The following ARHGAP5 variants were observed in gnomAD, a reference collection of about 807,000 sequenced individuals.
ARHGAP5 encodes rho GTPase-activating protein 5.
Under a neutral mutation model 116.6 loss-of-function variants are expected in ARHGAP5, and 23 were observed. The observed-to-expected ratio is 0.20, with a 90% CI of 0.14 to 0.28. The LOEUF (loss-of-function observed/expected upper bound fraction) is 0.28. ARHGAP5 is among the 10% of genes least tolerant of loss of function. The pLI is 1.00. For synonymous variants in ARHGAP5, 574 were observed against 602.0 expected, an observed-to-expected ratio of 0.95 and a Z score of 0.68; for missense variants, 1,405 against 1,774.8, an observed-to-expected ratio of 0.79 and a Z score of 3.74.
At chr14:32,085,892 T>C (rs1422516159) in intron 1 of ARHGAP5, among the ~76,000 whole-genome samples, 1 of 152,224 alleles carries the variant, frequency 6.6e-6, no homozygotes, top group Non-Finnish European at 1.5e-5. Flanking sequence ...GCTGGCTAAG[T>C]ACATTATTAT....
intron 3 of ARHGAP5, among the ~76,000 whole-genome samples, chr14:32,119,024 A>G (rs1879746669): frequency 6.6e-6 from 1 of 152,162 alleles, no homozygotes; most frequent in South Asian, 2.1e-4. Context: ...CAGGCGATTT[A>G]TATATTTAAG....
chr14:32,149,101 C>T (rs987507047), intron 4 of ARHGAP5, among the ~76,000 whole-genome samples: 7 of 151,498 alleles, frequency 4.6e-5, no homozygotes, highest in Non-Finnish European at 7.4e-5. Flanking sequence ...ATCCCAGATA[C>T]GAAATGTTCC....
At chr14:32,113,489 A>C (rs1454633746) in intron 2 of ARHGAP5, among the ~76,000 whole-genome samples, 1 of 152,164 alleles carries the variant, frequency 6.6e-6, no homozygotes, top group Non-Finnish European at 1.5e-5. Context: ...TAAGCTACTT[A>C]GCCTTTCATT....
rs927526340 is a variant in ARHGAP5, at chr14:32,094,512, T to C, written c.3717+126T>C. On this transcript the variant is annotated intron_variant, in intron 2 of 6. Coordinates refer to ENST00000345122, the MANE Select transcript of ARHGAP5 (RefSeq NM_001030055.2). Reference sequence around the variant, plus strand: ...CATAATAATTAGTAGCCCTTTTTAATTTTCTGAGTATTCTGTGGGGATAAG... The same window carrying C: ...CATAATAATTAGTAGCCCTTTTTAACTTTCTGAGTATTCTGTGGGGATAAG... 7 of 680,250 alleles carry C rather than the reference T, an allele frequency of 1.0e-5. No individual in the cohort carries two copies. In the Admixed American group the frequency reaches 2.2e-4, roughly 22 times the overall value. 42.1% of individuals were successfully genotyped at this position (680,250 alleles called of 1,614,324 possible). A position where few individuals can be genotyped will look rare whatever the true frequency, so the allele number is the denominator to read the frequency against.
intron 2 of ARHGAP5, among the ~76,000 whole-genome samples, chr14:32,114,090 T>C (rs1284166360): frequency 1.3e-5 from 2 of 152,064 alleles, no homozygotes; most frequent in Admixed American, 1.3e-4. Context: ...CAGCTGGGCG[T>C]GATGGCACAC....
In ARHGAP5 at chr14:32,091,634, A is replaced by G. The variant is rs748320646; in HGVS notation, c.965A>G (p.His322Arg). 2.5e-6 allele frequency: 4 copies of G among 1,611,990 alleles called. No individual in the cohort carries two copies. The highest frequency in any genetic ancestry group is 1.7e-5 in the Admixed American group (1 of 59,814). ...TRKARNTFSK[H>R]IEQLKQEHIR... is the part of the protein sequence containing the mutation. ...AAGGCCAGAAATACATTCTCAAAAC[A>G]TATAGAACAACTTAAACAGGAACAT... is the stretch of plus-strand genomic sequence containing the variant. The change falls in exon 2 of 7, where the codon CAT becomes CGT. Residue 322 changes from histidine (H) to arginine (R), a missense_variant. Coordinates refer to ENST00000345122, the MANE Select transcript of ARHGAP5 (RefSeq NM_001030055.2).
chr14:32,084,035 C>T (rs1315021707), intron 1 of ARHGAP5, among the ~76,000 whole-genome samples: 8 of 152,094 alleles, frequency 5.3e-5, no homozygotes, highest in African/African-American at 1.9e-4. Context: ...TTCTGTTTCC[C>T]ATACAGAAAT....
rs1020957574 is a variant in ARHGAP5, at chr14:32,157,923, G to C, written c.*2975G>C. 6.6e-6 allele frequency: 1 copy of C among 151,314 alleles called. No individual in the cohort carries two copies. The highest frequency in any genetic ancestry group is 2.1e-4 in the South Asian group (1 of 4,818). 9.4% of individuals were successfully genotyped at this position (151,314 alleles called of 1,614,324 possible). A position where few individuals can be genotyped will look rare whatever the true frequency, so the allele number is the denominator to read the frequency against. ...GAGAATTTAGGCCTTAGCTTCCATG[G>C]TGATTTTTAGTTTTTTATACAGTAA... On this transcript the variant is annotated 3_prime_UTR_variant, in exon 7 of 7. Transcript: ENST00000345122.
At chr14:32,116,402 A>T in intron 2 of ARHGAP5, among the ~76,000 whole-genome samples, 1 of 150,658 alleles carries the variant, frequency 6.6e-6, no homozygotes. Context: ...CATCCTGGTT[A>T]ACACGGTGAA....
intron 2 of ARHGAP5, among the ~76,000 whole-genome samples, chr14:32,100,016 A>G (rs571839932): frequency 1.2e-4 from 18 of 152,318 alleles, no homozygotes; most frequent in Non-Finnish European, 2.6e-4. Context: ...ATTATTTTTT[A>G]AAATCATGAC....
intron 3 of ARHGAP5, among the ~76,000 whole-genome samples, chr14:32,145,190 A>C (rs1881318923): frequency 6.6e-6 from 1 of 152,164 alleles, no homozygotes; most frequent in South Asian, 2.1e-4. Flanking sequence ...ATGGTGGGGT[A>C]GGTAGGGCAT....
chr14:32,092,906 TAAAG>T lies in ARHGAP5; in HGVS notation c.2238_2241del (p.Gln748LeufsTer16). ...CCTCGTAAATTTAATGAAACCCAAATAAAGCAAGCTCTCAGAGGAGTATTGGAAT... is the reference window on the plus strand; with the variant it reads ...CCTCGTAAATTTAATGAAACCCAAATCAAGCTCTCAGAGGAGTATTGGAAT... On this transcript the variant is annotated frameshift_variant, in exon 2 of 7. Transcript: ENST00000345122. LOFTEE classifies it high-confidence loss of function. This position sits in a 1 kb window ranked among gnomAD's most constrained non-coding sequence, Gnocchi z 4.1. 6.2e-7 allele frequency: 1 copy of T among 1,613,942 alleles called. No homozygotes were observed. The highest frequency in any genetic ancestry group is 8.5e-7 in the Non-Finnish European group (1 of 1,179,892).
chr14:32,094,173 TAGA>T lies in ARHGAP5; in HGVS notation c.3509_3511del (p.Arg1170del), dbSNP rs1566662706. On this transcript the variant is annotated inframe_deletion, in exon 2 of 7. Transcript: ENST00000345122. ...TGTTTAGTAAAGCCAAGTCATACTA[TAGA>T]AGAACACATTCAGATGCCAGTGATG... 1 of 1,613,034 alleles carries T rather than the reference TAGA, an allele frequency of 6.2e-7. No individual in the cohort carries two copies. The highest frequency in any genetic ancestry group is 2.2e-5 in the East Asian group (1 of 44,866).
chr14:32,111,018 G>C (rs1400171665), intron 2 of ARHGAP5, among the ~76,000 whole-genome samples: 1 of 152,184 alleles, frequency 6.6e-6, no homozygotes, highest in Non-Finnish European at 1.5e-5. Flanking sequence ...ATTAGTTTAG[G>C]CTTCAGGAGA....
intron 3 of ARHGAP5, among the ~76,000 whole-genome samples, chr14:32,143,593 A>G (rs1192714489): frequency 6.6e-6 from 1 of 152,192 alleles, no homozygotes; most frequent in African/African-American, 2.4e-5. Context: ...TAGCTTGGGA[A>G]TGTTGGGATA....
Position 32,093,163 on chromosome 14 carries a change from A to G in ARHGAP5, c.2494A>G (p.Thr832Ala), listed in dbSNP as rs1566661738. ...TGAAAAAAGGAGGCGAATACAGATC[A>G]CAATATTATCATACCACTCTTCAAT... ...IGEKRRRIQI[T>A]ILSYHSSIGV... Residue 832 changes from threonine to alanine, a missense_variant, in exon 2 of 7, where the codon ACA becomes GCA. Coordinates refer to ENST00000345122, the MANE Select transcript of ARHGAP5 (RefSeq NM_001030055.2). 5.6e-6 allele frequency: 9 copies of G among 1,614,054 alleles called. No homozygotes were observed. The highest frequency in any genetic ancestry group is 7.6e-6 in the Non-Finnish European group (9 of 1,179,942).
At chr14:32,095,808 T>A (rs919937116) in intron 2 of ARHGAP5, among the ~76,000 whole-genome samples, 2 of 152,250 alleles carry the variant, frequency 1.3e-5, no homozygotes, top group African/African-American at 4.8e-5. Flanking sequence ...TAACCTGTTA[T>A]CACTAGTACC....
rs749147518 is a variant in ARHGAP5, at chr14:32,093,375, T to C, written c.2706T>C (p.Thr902=). Residue 902 remains threonine (T), a synonymous_variant, in exon 2 of 7, where the codon ACT becomes ACC. Coordinates refer to ENST00000345122, the MANE Select transcript of ARHGAP5 (RefSeq NM_001030055.2). ...ATGAGGCTATCAAAGAGTTAATGAC[T>C]GAAGGAGAACACATTGCAACTGAGA... is the stretch of plus-strand genomic sequence containing the variant. The part of the protein sequence containing the change: ...FENEAIKELM[T]EGEHIATEIT... 1.2e-6 allele frequency: 2 copies of C among 1,614,036 alleles called. No individual in the cohort carries two copies. Among genetic ancestry groups the C allele is most frequent in the Non-Finnish European group, 8.5e-7 (1 of 1,179,950 alleles).
At chr14:32,085,553 T>C (rs984836200) in intron 1 of ARHGAP5, among the ~76,000 whole-genome samples, 1 of 152,234 alleles carries the variant, frequency 6.6e-6, no homozygotes, top group African/African-American at 2.4e-5. Flanking sequence ...CATCTTTTAG[T>C]GTGCAGTTGT....
Sources: gnomAD v4.1 joint callset for allele counts (sites outside exome capture counted in the v4.1 genomes callset) on GRCh38, gnomAD v4.1.1 for gene constraint, Gnocchi (gnomAD v3.1) non-coding constraint, MANE v1.5 for transcripts, NCBI Gene and HGNC (gene_info 2026-07-23, HGNC 2026-07-21) for gene names.